UNC5D: variants seen among roughly 807,000 people sequenced by gnomAD.
UNC5D encodes the protein unc-5 netrin receptor D, also known as netrin receptor UNC5D.
Under a neutral mutation model 105.4 loss-of-function variants are expected in UNC5D, and 39 were observed. The ratio of observed to expected loss-of-function variants is 0.37; its 90% CI spans 0.29 to 0.48. UNC5D has a LOEUF of 0.48. UNC5D is among the 20% of genes least tolerant of loss of function. The pLI is 0.98. For synonymous variants in UNC5D, 452 were observed against 450.4 expected (o/e 1.00, Z -0.04); for missense variants, 991 against 1,202.4 (o/e 0.82, Z 2.60).
intron 8 of UNC5D, among the ~76,000 whole-genome samples, chr8:35,710,304 A>G (rs752172695): frequency 6.6e-6 from 1 of 152,194 alleles, no homozygotes; most frequent in Non-Finnish European, 1.5e-5. Flanking sequence ...TTGGGTGTAG[A>G]GTACAAGAGA....
chr8:35,337,880 G>A (rs954118711), intron 1 of UNC5D, among the ~76,000 whole-genome samples: 51 of 152,204 alleles, frequency 3.4e-4, no homozygotes, highest in African/African-American at 1.1e-3. Flanking sequence ...GTTTGTGTTT[G>A]AGACATTATT....
At chr8:35,710,274 C>A (rs1827858102) in intron 8 of UNC5D, among the ~76,000 whole-genome samples, 1 of 152,022 alleles carries the variant, frequency 6.6e-6, no homozygotes, top group Non-Finnish European at 1.5e-5. Context: ...ATGTCAGAGT[C>A]AAAAGGATTT....
chr8:35,610,261 G>GT lies in UNC5D; in HGVS notation c.570+14609dup, dbSNP rs1250079130. ...AGCTCGATCTGTCCTTTCTCTAATC[G>GT]TTTTTGGTTTTGTTTGTTTTTCATT... On this transcript the variant is annotated intron_variant, in intron 4 of 16. Coordinates refer to ENST00000404895, the MANE Select transcript of UNC5D (RefSeq NM_080872.4). Among the ~76,000 whole-genome samples the GT allele has an allele frequency of 2.6e-5, 4 of 152,158 alleles. 1 individual carries two copies. In the East Asian group the frequency reaches 7.8e-4, roughly 30 times the overall value.
At chr8:35,684,500 C>T in intron 5 of UNC5D, 82 bp from the exon 6 acceptor site, 1 of 1,523,342 alleles carries the variant, frequency 6.6e-7, no homozygotes, top group South Asian at 1.3e-5. Context: ...CTCACAGCAC[C>T]TGGCACAGTG....
intron 8 of UNC5D, among the ~76,000 whole-genome samples, chr8:35,709,453 G>C (rs1217594678): frequency 2.6e-5 from 4 of 152,172 alleles, no homozygotes; most frequent in African/African-American, 9.7e-5. Flanking sequence ...ATTTGGGGAG[G>C]CCTAGACAGG....
intron 1 of UNC5D, among the ~76,000 whole-genome samples, chr8:35,536,940 G>A (rs1814889757): frequency 6.6e-6 from 1 of 152,178 alleles, no homozygotes; most frequent in Non-Finnish European, 1.5e-5. Flanking sequence ...AGGTTGCAAT[G>A]AGCTGAGATC....
chr8:35,388,371 A>C (rs1310457500), intron 1 of UNC5D, among the ~76,000 whole-genome samples: 1 of 151,992 alleles, frequency 6.6e-6, no homozygotes, highest in Admixed American at 6.6e-5. Context: ...CTCGAAAAAA[A>C]CCCAAAAAAA....
intron 1 of UNC5D, among the ~76,000 whole-genome samples, chr8:35,527,680 C>A (rs1308818025): frequency 6.6e-6 from 1 of 152,056 alleles, no homozygotes; most frequent in Non-Finnish European, 1.5e-5. Flanking sequence ...GTATCTAGGA[C>A]TACAGGCATA....
At chr8:35,411,875 G>A (rs1162143844) in intron 1 of UNC5D, among the ~76,000 whole-genome samples, 1 of 151,870 alleles carries the variant, frequency 6.6e-6, no homozygotes, top group Non-Finnish European at 1.5e-5. Flanking sequence ...TGTGTTCCTT[G>A]AATGAGTAAA....
intron 3 of UNC5D, among the ~76,000 whole-genome samples, chr8:35,592,958 T>G (rs1432841364): frequency 7.9e-5 from 12 of 151,976 alleles, no homozygotes; most frequent in Non-Finnish European, 1.8e-4. Flanking sequence ...CTACCCAATC[T>G]TGCCTATGTG....
At chr8:35,611,478 T>A (rs1168532285) in intron 4 of UNC5D, among the ~76,000 whole-genome samples, 1 of 152,212 alleles carries the variant, frequency 6.6e-6, no homozygotes, top group African/African-American at 2.4e-5. Flanking sequence ...AAACACTTTA[T>A]GAAAATGTTA....
intron 1 of UNC5D, among the ~76,000 whole-genome samples, chr8:35,302,475 G>T (rs556709592): frequency 1.3e-5 from 2 of 152,282 alleles, no homozygotes; most frequent in African/African-American, 4.8e-5. Flanking sequence ...GCTTTTAGAC[G>T]ATTTTAGAAA....
At chr8:35,498,055 G>A (rs1811715425) in intron 1 of UNC5D, among the ~76,000 whole-genome samples, 1 of 88,656 alleles carries the variant, frequency 1.1e-5, no homozygotes, top group Admixed American at 1.4e-4. Context: ...GGCAACAAGA[G>A]CAAAACTCCA....
chr8:35,248,765 T>C (rs1454316860), intron 1 of UNC5D, among the ~76,000 whole-genome samples: 1 of 97,524 alleles, frequency 1.0e-5, no homozygotes, highest in African/African-American at 4.3e-5. Context: ...ATATATATAA[T>C]ATATTATATA....
At chr8:35,447,077 A>T (rs1290595384) in intron 1 of UNC5D, among the ~76,000 whole-genome samples, 1 of 152,032 alleles carries the variant, frequency 6.6e-6, no homozygotes, top group South Asian at 2.1e-4. Flanking sequence ...ACAATTTTTA[A>T]TGCCATATGG....
intron 8 of UNC5D, 113 bp downstream of exon 8, chr8:35,706,074 T>C: frequency 1.6e-6 from 1 of 642,984 alleles, no homozygotes; most frequent in Non-Finnish European, 2.5e-6. Flanking sequence ...TCCAGGGCTT[T>C]CGAGGCCTCT....
chr8:35,513,348 C>A lies in UNC5D; in HGVS notation c.104-35944C>A, dbSNP rs182197470. On this transcript the variant is annotated intron_variant, in intron 1 of 16. Transcript: ENST00000404895. ...GGTTCAAGTGATTCTCCTGCCTCAG[C>A]ATCCCAAGTAGCTGGGATTACAGGC... Among the ~76,000 whole-genome samples, 10 of 151,926 alleles carry A rather than the reference C, an allele frequency of 6.6e-5. No homozygotes were observed. The East Asian group carries it at 2.0e-3, about 30-fold the overall frequency.
chr8:35,267,765 G>A (rs1212989175), intron 1 of UNC5D, among the ~76,000 whole-genome samples: 2 of 152,104 alleles, frequency 1.3e-5, no homozygotes, highest in African/African-American at 4.8e-5. Flanking sequence ...GAACCGCATA[G>A]ATGTTCTCTG....
chr8:35,413,294 G>GTGTGTGTGT (rs1805315525), intron 1 of UNC5D, among the ~76,000 whole-genome samples: 1 of 137,782 alleles, frequency 7.3e-6, no homozygotes, highest in Non-Finnish European at 1.6e-5. Flanking sequence ...TGTGTGTGTT[G>GTGTGTGTGT]TGTGTGTGTG....
Sources: allele counts gnomAD v4.1 joint callset (sites outside exome capture counted in the v4.1 genomes callset), GRCh38; gene constraint gnomAD v4.1.1; transcripts MANE v1.5; gene names NCBI Gene and HGNC (gene_info 2026-07-23, HGNC 2026-07-21).